EYS: variants seen among roughly 807,000 people sequenced by gnomAD.
The protein encoded by EYS is EGF-like photoreceptor maintenance factor, also known as protein eyes shut homolog.
In EYS, 250 loss-of-function variants were observed where a neutral mutation model predicts 282.1. That is an observed-to-expected ratio of 0.89 (90% CI 0.80 to 0.98). EYS has a LOEUF of 0.98. Among genes scored for constraint, EYS ranks in the 50% least tolerant of loss-of-function variants. EYS has a pLI of 0.00. For missense variants in EYS, 4,016 were observed against 3,709.0 expected (o/e 1.08, Z -2.15); for synonymous variants, 1,355 against 1,282.9 (o/e 1.06, Z -1.20).
intron 19 of EYS, among the ~76,000 whole-genome samples, chr6:64,843,342 C>A (rs543467816): frequency 9.2e-5 from 14 of 152,278 alleles, no homozygotes; most frequent in African/African-American, 3.1e-4. Flanking sequence ...TGACAGCTTG[C>A]ACAGTAGACC....
At chr6:65,413,597 C>A (rs974007770) in intron 5 of EYS, among the ~76,000 whole-genome samples, 1 of 152,062 alleles carries the variant, frequency 6.6e-6, no homozygotes, top group Non-Finnish European at 1.5e-5. Flanking sequence ...CTGTGGCTCA[C>A]ACCTATAATC....
At chr6:65,448,265 C>A (rs1764270637) in intron 5 of EYS, among the ~76,000 whole-genome samples, 1 of 151,848 alleles carries the variant, frequency 6.6e-6, no homozygotes, top group Admixed American at 6.6e-5. Context: ...TAAGGGCCAA[C>A]GTGAAGTACT....
intron 5 of EYS, among the ~76,000 whole-genome samples, chr6:65,439,174 T>A (rs1768202823): frequency 6.6e-6 from 1 of 152,082 alleles, no homozygotes; most frequent in South Asian, 2.1e-4. Flanking sequence ...AGATGTGTGG[T>A]ATTATTTCTG....
rs1220287891 is a variant in EYS, at chr6:64,591,194, G to T, written c.4673C>A (p.Thr1558Lys). ...SLRELSQTCATCSMTEIKSSR... is the reference protein window; with the variant it reads ...SLRELSQTCAKCSMTEIKSSR... ...GGATTTTATTTCAGTCATAGAACAT[G>T]TTGCACATGTTTGGCTTAATTCTCT... Residue 1558 changes from threonine (T) to lysine (K), a missense_variant, in exon 26 of 43, where the codon ACA becomes AAA. Transcript: ENST00000503581. The T allele has an allele frequency of 6.4e-7, 1 of 1,551,226 alleles. No homozygotes were observed. Among genetic ancestry groups the T allele is most frequent in the South Asian group, 1.2e-5 (1 of 84,064 alleles).
chr6:63,769,006 TAGG>T (rs1769865939), intron 40 of EYS, among the ~76,000 whole-genome samples: 1 of 152,072 alleles, frequency 6.6e-6, no homozygotes, highest in Non-Finnish European at 1.5e-5. Context: ...CATTTATAAG[TAGG>T]AGCTGAACAA....
At chr6:64,576,106 A>C (rs545478147) in intron 26 of EYS, among the ~76,000 whole-genome samples, 1 of 152,220 alleles carries the variant, frequency 6.6e-6, no homozygotes, top group South Asian at 2.1e-4. Flanking sequence ...GAAGACCTTT[A>C]AAAATCTTGG....
At chr6:65,429,177 CA>C (rs749099731) in intron 5 of EYS, among the ~76,000 whole-genome samples, 5,950 of 125,186 alleles carry the variant, frequency 0.048, 127 homozygotes, top group African/African-American at 0.082. Flanking sequence ...AAAATCATCT[CA>C]AAAAAAAAAA....
intron 26 of EYS, among the ~76,000 whole-genome samples, chr6:64,522,996 A>G (rs890692089): frequency 6.6e-6 from 1 of 151,718 alleles, no homozygotes; most frequent in Non-Finnish European, 1.5e-5. Flanking sequence ...TGTCTTTTCA[A>G]AAGAAAAAAA....
intron 19 of EYS, among the ~76,000 whole-genome samples, chr6:64,849,438 A>G (rs1765814634): frequency 6.6e-6 from 1 of 152,010 alleles, no homozygotes; most frequent in South Asian, 2.1e-4. Flanking sequence ...CTGTTGTCAC[A>G]TTTTAGATCA....
chr6:65,512,618 A>C (rs1766939838), intron 2 of EYS, among the ~76,000 whole-genome samples: 1 of 152,106 alleles, frequency 6.6e-6, no homozygotes, highest in Non-Finnish European at 1.5e-5. Flanking sequence ...TCAAACTAGA[A>C]CTCAGGATTA....
At chr6:64,767,948 A>AT (rs1287109226) in intron 22 of EYS, among the ~76,000 whole-genome samples, 1 of 151,852 alleles carries the variant, frequency 6.6e-6, no homozygotes, top group Non-Finnish European at 1.5e-5. Context: ...ATCATTTGGT[A>AT]TTTTTTTGTG....
intron 2 of EYS, among the ~76,000 whole-genome samples, chr6:65,607,543 G>T (rs1293814186): frequency 6.6e-6 from 1 of 151,628 alleles, no homozygotes; most frequent in East Asian, 1.9e-4. Flanking sequence ...TGATATTACT[G>T]CTTCTTTTAA....
intron 22 of EYS, among the ~76,000 whole-genome samples, chr6:64,739,013 G>T (rs548302491): frequency 1.0e-3 from 157 of 152,304 alleles, no homozygotes; most frequent in South Asian, 3.5e-3. Flanking sequence ...CTCCCAAAGT[G>T]CTGGGATTAC....
intron 2 of EYS, among the ~76,000 whole-genome samples, chr6:65,571,465 A>G (rs1764474575): frequency 6.6e-6 from 1 of 152,004 alleles, no homozygotes; most frequent in Admixed American, 6.6e-5. Context: ...TTTCCTTTAT[A>G]AATATACTTT....
intron 22 of EYS, among the ~76,000 whole-genome samples, chr6:64,802,023 C>CTTTTTTTCTTTTT (rs1663451250): frequency 1.4e-5 from 1 of 70,780 alleles, no homozygotes; most frequent in African/African-American, 4.9e-5. Context: ...ATTTCTTTTT[C>CTTTTTTTCTTTTT]TTTTTTTTTC....
chr6:64,137,669 A>G (rs749698651), intron 31 of EYS, among the ~76,000 whole-genome samples: 2 of 152,160 alleles, frequency 1.3e-5, no homozygotes, highest in African/African-American at 2.4e-5. Flanking sequence ...TGGAACAGTC[A>G]GAACACTCAC....
chr6:64,100,640 A>G (rs1274014119), intron 31 of EYS, among the ~76,000 whole-genome samples: 2 of 152,132 alleles, frequency 1.3e-5, no homozygotes, highest in Admixed American at 6.5e-5. Flanking sequence ...TGCAAAAGTA[A>G]ACTTACATTT....
At chr6:64,472,950 A>C (rs1170637580) in intron 26 of EYS, among the ~76,000 whole-genome samples, 3 of 152,190 alleles carry the variant, frequency 2.0e-5, no homozygotes, top group Non-Finnish European at 4.4e-5. Context: ...AACTAAAGTG[A>C]GTTAAAATTG....
intron 34 of EYS, among the ~76,000 whole-genome samples, chr6:63,998,080 G>A (rs1269114351): frequency 6.6e-6 from 1 of 152,078 alleles, no homozygotes; most frequent in African/African-American, 2.4e-5. Flanking sequence ...TGAGTTGGCT[G>A]CAGTAGCAAA....
Sources: allele counts gnomAD v4.1 joint callset (sites outside exome capture counted in the v4.1 genomes callset), GRCh38; gene constraint gnomAD v4.1.1; transcripts MANE v1.5; gene names NCBI Gene and HGNC (gene_info 2026-07-23, HGNC 2026-07-21).